Variants in BAZ2B observed in about 807,000 individuals in gnomAD.
The protein encoded by BAZ2B is bromodomain adjacent to zinc finger domain 2B, also known as bromodomain adjacent to zinc finger domain protein 2B.
A neutral mutation model predicts 246.0 loss-of-function variants in BAZ2B; 91 were observed. The observed-to-expected ratio is 0.37, with a 90% CI of 0.31 to 0.44. The LOEUF (loss-of-function observed/expected upper bound fraction) is 0.44, where lower values mean the gene tolerates loss of function less well. BAZ2B is among the 20% of genes least tolerant of loss of function. BAZ2B has a pLI of 1.00. For missense variants in BAZ2B, 2,332 were observed against 2,533.7 expected (o/e 0.92, Z 1.71); for synonymous variants, 855 against 860.0 (o/e 0.99, Z 0.10).
the BAZ2B span, among the ~76,000 whole-genome samples, chr2:159,688,973 T>C: frequency 6.6e-6 from 1 of 152,240 alleles, no homozygotes; most frequent in African/African-American, 2.4e-5. Context: ...ATGTCCATTG[T>C]ATAGTTGCTA....
At chr2:159,390,231 T>C (rs963490955) in intron 20 of BAZ2B, among the ~76,000 whole-genome samples, 2 of 152,168 alleles carry the variant, frequency 1.3e-5, no homozygotes, top group African/African-American at 4.8e-5. Flanking sequence ...GCTGATTATA[T>C]CTCTTCCTTG....
chr2:159,399,403 G>T (rs1054784752), intron 17 of BAZ2B, among the ~76,000 whole-genome samples: 3 of 151,298 alleles, frequency 2.0e-5, no homozygotes, highest in Non-Finnish European at 2.9e-5. Context: ...ATTCATTATT[G>T]GTTTATGTCT....
intron 27 of BAZ2B, among the ~76,000 whole-genome samples, chr2:159,372,220 G>A (rs905406587): frequency 6.6e-6 from 1 of 152,158 alleles, no homozygotes; most frequent in Non-Finnish European, 1.5e-5. Context: ...GCACATAGCA[G>A]GCATTCAAAA....
intron 34 of BAZ2B, among the ~76,000 whole-genome samples, chr2:159,331,026 G>A (rs150246613): frequency 9.2e-4 from 140 of 152,322 alleles, no homozygotes; most frequent in African/African-American, 3.1e-3. Flanking sequence ...AGAGATAGCA[G>A]CACATCAGTA....
intron 2 of BAZ2B, among the ~76,000 whole-genome samples, chr2:159,482,541 A>T (rs1201134902): frequency 6.6e-6 from 1 of 152,160 alleles, no homozygotes; most frequent in African/African-American, 2.4e-5. Flanking sequence ...ATTCTAAATT[A>T]TTCATGTTAA....
intron 35 of BAZ2B, 135 bp downstream of exon 35, chr2:159,325,517 AT>A: frequency 1.1e-6 from 1 of 941,174 alleles, no homozygotes; most frequent in Non-Finnish European, 1.5e-6. Context: ...TTACTTATAT[AT>A]TTTCTTAACA....
chr2:159,440,287 T>C (rs2073134807), intron 6 of BAZ2B, among the ~76,000 whole-genome samples: 1 of 152,000 alleles, frequency 6.6e-6, no homozygotes. Context: ...AAAATAACAA[T>C]AAATTACAAA....
chr2:159,589,831 G>A (rs1688880698), intron 1 of BAZ2B, among the ~76,000 whole-genome samples: 1 of 152,076 alleles, frequency 6.6e-6, no homozygotes, highest in Admixed American at 6.6e-5. Flanking sequence ...ATATAAGACA[G>A]GAGTCTAAAA....
At chr2:159,510,375 G>A (rs1475033320) in intron 2 of BAZ2B, among the ~76,000 whole-genome samples, 6 of 152,034 alleles carry the variant, frequency 3.9e-5, no homozygotes. Flanking sequence ...CATTGCCCAG[G>A]CTGGCCTTGA....
intron 3 of BAZ2B, among the ~76,000 whole-genome samples, chr2:159,475,771 T>C (rs2078460052): frequency 2.0e-5 from 3 of 152,326 alleles, no homozygotes; most frequent in Non-Finnish European, 4.4e-5. Context: ...ATTGATGCTA[T>C]TCCTTTCTGT....
chr2:159,663,598 C>A, the BAZ2B span, among the ~76,000 whole-genome samples: 1 of 151,498 alleles, frequency 6.6e-6, no homozygotes, highest in African/African-American at 2.4e-5. Flanking sequence ...TGGCTCACTG[C>A]AACCTCTGCC....
chr2:159,684,758 A>G, the BAZ2B span, among the ~76,000 whole-genome samples: 878 of 152,352 alleles, frequency 5.8e-3, 12 homozygotes, highest in African/African-American at 0.02. Context: ...ATTTGCACAC[A>G]TTCCTTATCC....
At chr2:159,339,087 T>TTA (rs764257423) in intron 31 of BAZ2B, among the ~76,000 whole-genome samples, 12 of 152,136 alleles carry the variant, frequency 7.9e-5, no homozygotes, top group Non-Finnish European at 7.3e-5. Context: ...TTATTTTATC[T>TTA]TATATACTAG....
chr2:159,375,991 T>C (rs926982544), intron 25 of BAZ2B, among the ~76,000 whole-genome samples: 3 of 152,186 alleles, frequency 2.0e-5, no homozygotes, highest in Non-Finnish European at 4.4e-5. Context: ...AATAGAAGGT[T>C]TGTAAGTAAT....
intron 6 of BAZ2B, among the ~76,000 whole-genome samples, chr2:159,439,744 A>G (rs2073034304): frequency 6.6e-6 from 1 of 152,198 alleles, no homozygotes. Flanking sequence ...ATTATTCCAT[A>G]TAATAATAAG....
chr2:159,707,213 T>A, the BAZ2B span, among the ~76,000 whole-genome samples: 1 of 152,136 alleles, frequency 6.6e-6, no homozygotes, highest in African/African-American at 2.4e-5. Flanking sequence ...TGGGCTACAT[T>A]TGGCCCATGT....
chr2:159,565,899 A>C (rs1682444844), intron 1 of BAZ2B, among the ~76,000 whole-genome samples: 1 of 152,242 alleles, frequency 6.6e-6, no homozygotes. Context: ...TTATATGGAA[A>C]CTATACTGAA....
In BAZ2B at chr2:159,552,416, G is replaced by A. The variant is rs563149632; in HGVS notation, c.-3+3407C>T. ...GATTTCACGCCCATTGGTGTTATCT[G>A]TAAAGGAGTAAGCCATAAAATTCTA... On this transcript the variant is annotated intron_variant, in intron 2 of 36. Coordinates refer to ENST00000392783, the MANE Select transcript of BAZ2B (RefSeq NM_013450.4). 2.6e-5 allele frequency among the ~76,000 whole-genome samples: 4 copies of A among 152,292 alleles called. No individual in the cohort carries two copies. The East Asian group carries it at 7.7e-4, about 29-fold the overall frequency.
intron 1 of BAZ2B, among the ~76,000 whole-genome samples, chr2:159,612,505 CAG>C (rs1205560466): frequency 6.6e-6 from 1 of 152,046 alleles, no homozygotes; most frequent in Non-Finnish European, 1.5e-5. Flanking sequence ...TAGTTCTACT[CAG>C]AAACTACAAC....
Sources: gnomAD v4.1 joint callset for allele counts (sites outside exome capture counted in the v4.1 genomes callset) on GRCh38, gnomAD v4.1.1 for gene constraint, MANE v1.5 for transcripts, NCBI Gene and HGNC (gene_info 2026-07-23, HGNC 2026-07-21) for gene names.